The following ARIH2 variants were observed in gnomAD, a reference collection of about 807,000 sequenced individuals.
ARIH2 encodes E3 ubiquitin-protein ligase ARIH2.
A neutral mutation model predicts 79.8 loss-of-function variants in ARIH2; 12 were observed. The observed-to-expected ratio is 0.15, with a 90% CI of 0.10 to 0.24. The LOEUF (loss-of-function observed/expected upper bound fraction) is 0.24, where lower values mean the gene tolerates loss of function less well. Ranked by LOEUF, ARIH2 falls within the 10% of genes least tolerant of loss-of-function variation. The pLI, the probability that ARIH2 is intolerant of heterozygous loss-of-function variation, is 1.00. For missense variants in ARIH2, 301 were observed against 618.3 expected, an observed-to-expected ratio of 0.49 and a Z score of 5.44; for synonymous variants, 224 against 213.9, an observed-to-expected ratio of 1.05 and a Z score of -0.41.
At chr3:48,975,004 G>A in intron 11 of ARIH2, 25 bp downstream of exon 11, 3 of 1,614,200 alleles carry the variant, frequency 1.9e-6, no homozygotes, top group Non-Finnish European at 2.5e-6. Context: ...TGGTGTGTAA[G>A]GCCCAGTGGC....
intron 3 of ARIH2, among the ~76,000 whole-genome samples, chr3:48,935,810 C>A (rs2087027648): frequency 6.6e-6 from 1 of 152,112 alleles, no homozygotes; most frequent in Admixed American, 6.5e-5. Context: ...CCTTAAAACA[C>A]ATTCTCAGGG....
intron 8 of ARIH2, among the ~76,000 whole-genome samples, chr3:48,972,514 G>A (rs934163081): frequency 2.6e-5 from 4 of 152,104 alleles, no homozygotes; most frequent in Non-Finnish European, 1.5e-5. Context: ...AATAGTGGCA[G>A]GAGCCTGTAA....
At chr3:48,919,115 G>A in intron 1 of ARIH2, 117 bp downstream of exon 1, 7 of 1,284,672 alleles carry the variant, frequency 5.4e-6, no homozygotes, top group Non-Finnish European at 5.9e-6. Flanking sequence ...CGGGAGGCCC[G>A]GGCGCTCCCC....
chr3:48,933,317 G>T (rs1459780387), intron 3 of ARIH2, among the ~76,000 whole-genome samples: 1 of 142,654 alleles, frequency 7.0e-6, no homozygotes, highest in Non-Finnish European at 1.5e-5. Context: ...ATGCCCGGGG[G>T]TGTGTGTGTG....
At chr3:48,977,660 T>C (rs1451332849) in intron 11 of ARIH2, among the ~76,000 whole-genome samples, 2 of 152,196 alleles carry the variant, frequency 1.3e-5, no homozygotes, top group African/African-American at 2.4e-5. Flanking sequence ...GGTTTCACCT[T>C]GTTGGCCATG....
intron 3 of ARIH2, chr3:48,944,900 A>G (rs2107295296): frequency 2.8e-6 from 1 of 363,272 alleles, no homozygotes; most frequent in Non-Finnish European, 5.4e-6. Context: ...ATTTTCCTAT[A>G]TCATGTCCCA....
rs547816584 is a variant in ARIH2 at position 48,951,321 on chromosome 3, T to C, written c.256-10291T>C. On this transcript the variant is annotated intron_variant, in intron 3 of 15. Transcript: ENST00000356401. ...TAAATTCATTTATTAGTGTTTTTTT[T>C]CCCCCTGTGGAGTTTCACTCTTGTC... Among the ~76,000 whole-genome samples, 442 of 152,196 alleles carry C rather than the reference T, an allele frequency of 2.9e-3. 7 individuals carry two copies. In the Middle Eastern group the frequency reaches 0.037, roughly 13 times the overall value.
chr3:48,979,376 C>A, intron 11 of ARIH2, 106 bp from the exon 12 acceptor site: 1 of 1,265,622 alleles, frequency 7.9e-7, no homozygotes, highest in Non-Finnish European at 1.1e-6. Context: ...AAGTTGTGTT[C>A]AGGTGACCCC....
At chr3:48,978,480 TA>T (rs1379793134) in intron 11 of ARIH2, among the ~76,000 whole-genome samples, 3,807 of 89,900 alleles carry the variant, frequency 0.042, 295 homozygotes, top group African/African-American at 0.11. Context: ...TATATATATA[TA>T]TATTTTTTTT....
intron 8 of ARIH2, chr3:48,970,980 A>G: frequency 6.1e-6 from 2 of 325,870 alleles, no homozygotes; most frequent in Non-Finnish European, 1.2e-5. Context: ...ATTGTGTGGG[A>G]TGTATCTGCC....
At chr3:48,973,318 C>G (rs2092340550) in intron 8 of ARIH2, among the ~76,000 whole-genome samples, 1 of 152,154 alleles carries the variant, frequency 6.6e-6, no homozygotes, top group Admixed American at 6.5e-5. Flanking sequence ...TGGCTCACGC[C>G]TGTAATCCCA....
chr3:48,954,780 CTT>C (rs138114079), intron 3 of ARIH2, among the ~76,000 whole-genome samples: 1 of 152,110 alleles, frequency 6.6e-6, no homozygotes, highest in Non-Finnish European at 1.5e-5. Flanking sequence ...CAATAGATAC[CTT>C]TTTTATCTCT....
At position 48,918,937 on chromosome 3, in the gene ARIH2, C is replaced by T; in HGVS notation, c.-223C>T. ...GCCGCTTCGCCCCAATCCGGTCCCT[C>T]TGGCCCGGCCTGACCCGGTCTGGCT... On this transcript the variant is annotated 5_prime_UTR_variant, in exon 1 of 16. Coordinates refer to ENST00000356401, the MANE Select transcript of ARIH2 (RefSeq NM_006321.4). The T allele has an allele frequency of 6.3e-7, 1 of 1,576,116 alleles. No individual in the cohort carries two copies.
chr3:48,918,851 G>C lies in ARIH2; in HGVS notation c.-309G>C, dbSNP rs1316545208. ...GGCGCCAAGCACTTCCGGAGCTGTG[G>C]GGACGACTCTTCTGGAGGAAGCAGC... On this transcript the variant is annotated 5_prime_UTR_variant, in exon 1 of 16. Transcript: ENST00000356401. 5.6e-6 allele frequency: 9 copies of C among 1,611,098 alleles called. No homozygotes were observed. Among genetic ancestry groups the C allele is most frequent in the African/African-American group, 1.3e-5 (1 of 74,926 alleles).
chr3:48,918,915 G>C lies in ARIH2; in HGVS notation c.-245G>C, dbSNP rs779452205. On this transcript the variant is annotated 5_prime_UTR_variant, in exon 1 of 16. Coordinates refer to ENST00000356401, the MANE Select transcript of ARIH2 (RefSeq NM_006321.4). ...GCGTCGGCCCGCCGCCTCCGCTGCC[G>C]CTTCGCCCCAATCCGGTCCCTCTGG... 2 of 1,599,820 alleles carry C rather than the reference G, an allele frequency of 1.3e-6. No individual in the cohort carries two copies. The highest frequency in any genetic ancestry group is 1.7e-5 in the Admixed American group (1 of 58,868).
rs952011909 is a variant in ARIH2 at position 48,979,813 on chromosome 3, T to A, written c.1113+180T>A. 6 of 602,646 alleles carry A rather than the reference T, an allele frequency of 1.0e-5. No homozygotes were observed. The East Asian group carries it at 1.8e-4, about 18-fold the overall frequency. The allele number at this position is 602,646 out of a possible 1,614,324, so 37.3% of individuals were successfully genotyped here. A position where few individuals can be genotyped will look rare whatever the true frequency, so the allele number is the denominator to read the frequency against. ...TGTGCCTTTCAAGCTCTATAGGGTA[T>A]ATCCCCAGCCAACAGGGAAGGACCT... is the stretch of plus-strand genomic sequence containing the variant. On this transcript the variant is annotated intron_variant, in intron 12 of 15. Transcript: ENST00000356401.
chr3:48,957,276 G>C (rs893002572), intron 3 of ARIH2, among the ~76,000 whole-genome samples: 1 of 152,248 alleles, frequency 6.6e-6, no homozygotes, highest in African/African-American at 2.4e-5. Flanking sequence ...CACTGTGGCT[G>C]TTGGTGCTGT....
chr3:48,944,727 T>C (rs766606636), intron 3 of ARIH2, among the ~76,000 whole-genome samples: 32 of 152,190 alleles, frequency 2.1e-4, no homozygotes, highest in Non-Finnish European at 4.6e-4. Context: ...CCACCACTAC[T>C]GATGCTAATT....
At chr3:48,945,475 G>C (rs1225801231) in intron 3 of ARIH2, among the ~76,000 whole-genome samples, 1 of 152,128 alleles carries the variant, frequency 6.6e-6, no homozygotes, top group Non-Finnish European at 1.5e-5. Context: ...GTGCTCTGGG[G>C]TGTCAAATAA....
Sources: gnomAD v4.1 joint callset for allele counts (sites outside exome capture counted in the v4.1 genomes callset) on GRCh38, gnomAD v4.1.1 for gene constraint, MANE v1.5 for transcripts, NCBI Gene and HGNC (gene_info 2026-07-23, HGNC 2026-07-21) for gene names.